Variants in SORCS2 observed in about 807,000 individuals in gnomAD.
The protein encoded by SORCS2 is sortilin related VPS10 domain containing receptor 2.
Under a neutral mutation model 141.6 loss-of-function variants are expected in SORCS2, and 100 were observed. The ratio of observed to expected loss-of-function variants is 0.71; its 90% CI spans 0.60 to 0.83. The LOEUF (loss-of-function observed/expected upper bound fraction) is 0.83. Among genes scored for constraint, SORCS2 ranks in the 40% least tolerant of loss-of-function variants. The probability of loss-of-function intolerance (pLI) is 0.00; values close to 1 mark genes in which losing one functional copy is unlikely to be tolerated. For missense variants in SORCS2, 1,646 were observed against 1,560.2 expected (o/e 1.05, Z -0.93); for synonymous variants, 789 against 676.9 (o/e 1.17, Z -2.57).
At chr4:7,667,309 C>A in intron 8 of SORCS2, 96 bp downstream of exon 8, 5 of 1,151,390 alleles carry the variant, frequency 4.3e-6, no homozygotes, top group Admixed American at 1.8e-5. Context: ...GCTTGGCGGT[C>A]CCAGGTCAGG....
At chr4:7,439,673 T>A (rs1380134655) in intron 2 of SORCS2, among the ~76,000 whole-genome samples, 4 of 152,228 alleles carry the variant, frequency 2.6e-5, no homozygotes, top group African/African-American at 9.6e-5. Context: ...CCTCCGTCCC[T>A]GCCTCTTTCG....
intron 1 of SORCS2, among the ~76,000 whole-genome samples, chr4:7,234,580 G>A (rs909531261): frequency 6.6e-6 from 1 of 152,182 alleles, no homozygotes; most frequent in African/African-American, 2.4e-5. Context: ...GGGTCCCTGA[G>A]CTTGGAGGAG....
At chr4:7,701,511 G>A (rs980135078) in intron 12 of SORCS2, among the ~76,000 whole-genome samples, 9 of 152,210 alleles carry the variant, frequency 5.9e-5, no homozygotes, top group Non-Finnish European at 1.3e-4. Flanking sequence ...AGGAAGCAAG[G>A]TCAAGGTGGG....
At chr4:7,728,558 G>A (rs193240775) in intron 22 of SORCS2, 96 bp downstream of exon 22, 36 of 799,844 alleles carry the variant, frequency 4.5e-5, no homozygotes, top group South Asian at 3.7e-4. Context: ...AAGGAGAGGC[G>A]GGTGGCACTG....
chr4:7,355,800 G>C (rs796455795), intron 1 of SORCS2, among the ~76,000 whole-genome samples: 1 of 152,226 alleles, frequency 6.6e-6, no homozygotes, highest in African/African-American at 2.4e-5. Flanking sequence ...TCTGTGGAAC[G>C]CACAGGATTT....
intron 1 of SORCS2, among the ~76,000 whole-genome samples, chr4:7,310,980 C>T (rs1341440559): frequency 6.6e-6 from 1 of 152,188 alleles, no homozygotes; most frequent in Non-Finnish European, 1.5e-5. Context: ...GCACGATGTG[C>T]TGAATTTTGA....
intron 3 of SORCS2, among the ~76,000 whole-genome samples, chr4:7,580,556 T>C (rs1187090740): frequency 1.3e-5 from 2 of 152,202 alleles, no homozygotes. Context: ...ATTGGCCTTT[T>C]AAAATTCCTC....
intron 3 of SORCS2, among the ~76,000 whole-genome samples, chr4:7,627,949 C>T (rs1719622641): frequency 6.6e-6 from 1 of 152,236 alleles, no homozygotes; most frequent in Non-Finnish European, 1.5e-5. Flanking sequence ...TGCCAATTCT[C>T]AGCTCCTGCT....
chr4:7,219,952 T>A (rs1381412593), intron 1 of SORCS2, among the ~76,000 whole-genome samples: 1 of 152,202 alleles, frequency 6.6e-6, no homozygotes, highest in Non-Finnish European at 1.5e-5. Flanking sequence ...CATGTCGTTG[T>A]GAAAATAAAG....
chr4:7,226,990 G>A (rs369329261), intron 1 of SORCS2, among the ~76,000 whole-genome samples: 15 of 152,344 alleles, frequency 9.8e-5, no homozygotes, highest in Middle Eastern at 6.8e-3. Context: ...GTGCCACCGC[G>A]GTAGCAGCTG....
chr4:7,446,112 G>T (rs2109273094), intron 2 of SORCS2, among the ~76,000 whole-genome samples: 1 of 150,132 alleles, frequency 6.7e-6, no homozygotes, highest in South Asian at 2.1e-4. Context: ...TTTTGGTTGA[G>T]CTTAAAGCCA....
At chr4:7,449,716 G>A (rs78914312) in intron 2 of SORCS2, among the ~76,000 whole-genome samples, 4 of 152,090 alleles carry the variant, frequency 2.6e-5, no homozygotes, top group East Asian at 3.9e-4. Flanking sequence ...GGAGGGAAGC[G>A]GCTTCTCAGA....
intron 3 of SORCS2, among the ~76,000 whole-genome samples, chr4:7,579,054 T>C (rs1208990255): frequency 6.6e-6 from 1 of 152,082 alleles, no homozygotes. Flanking sequence ...ATTTCAGTAT[T>C]TATGGAGGCT....
At position 7,479,178 on chromosome 4, in the gene SORCS2, G is replaced by A. The variant is rs150547404; in HGVS notation, c.549-52352G>A. ...CCAGCAGCCAGCTGCCCTCTCTCTC[G>A]GTGGACTTCTGTGGGTGCCGTTTCC... is the stretch of plus-strand genomic sequence containing the variant. On this transcript the variant is annotated intron_variant, in intron 2 of 26. Transcript: ENST00000507866. Among the ~76,000 whole-genome samples the A allele has an allele frequency of 6.5e-3, 985 of 151,994 alleles. 14 individuals carry two copies. Among genetic ancestry groups the A allele is most frequent in the African/African-American group, 0.023 (936 of 41,450 alleles).
intron 2 of SORCS2, among the ~76,000 whole-genome samples, chr4:7,507,563 G>A (rs1042973460): frequency 2.6e-5 from 4 of 152,226 alleles, no homozygotes; most frequent in Admixed American, 2.6e-4. Flanking sequence ...AAGAGAACTT[G>A]TCTTAGAAGC....
intron 1 of SORCS2, among the ~76,000 whole-genome samples, chr4:7,385,295 G>A (rs1484764478): frequency 6.6e-6 from 1 of 152,216 alleles, no homozygotes; most frequent in African/African-American, 2.4e-5. Context: ...GTAAATAAAT[G>A]CAGGATCAGT....
chr4:7,387,828 A>C (rs899715804), intron 1 of SORCS2, among the ~76,000 whole-genome samples: 1 of 150,952 alleles, frequency 6.6e-6, no homozygotes, highest in African/African-American at 2.4e-5. Flanking sequence ...AGAGATACAC[A>C]TGCACATACA....
At chr4:7,697,564 G>A (rs377273803) in intron 12 of SORCS2, among the ~76,000 whole-genome samples, 62 of 152,358 alleles carry the variant, frequency 4.1e-4, no homozygotes, top group African/African-American at 1.3e-3. Flanking sequence ...ACAGTTGGAC[G>A]TGTCACTGCG....
At chr4:7,686,009 C>G (rs1474019812) in intron 10 of SORCS2, among the ~76,000 whole-genome samples, 1 of 152,234 alleles carries the variant, frequency 6.6e-6, no homozygotes, top group Non-Finnish European at 1.5e-5. Flanking sequence ...TCTTTACAAT[C>G]TTTTCGCTCA....
Sources: allele counts gnomAD v4.1 joint callset (sites outside exome capture counted in the v4.1 genomes callset), GRCh38; gene constraint gnomAD v4.1.1; transcripts MANE v1.5; gene names NCBI Gene and HGNC (gene_info 2026-07-23, HGNC 2026-07-21).